Variants in FHAD1 observed in about 807,000 individuals in gnomAD.
The protein encoded by FHAD1 is forkhead-associated domain-containing protein 1.
A neutral mutation model predicts 191.3 loss-of-function variants in FHAD1; 146 were observed. The observed-to-expected ratio is 0.76, with a 90% CI of 0.67 to 0.88. The LOEUF (loss-of-function observed/expected upper bound fraction) is 0.88, where lower values mean the gene tolerates loss of function less well. Among genes scored for constraint, FHAD1 ranks in the 40% least tolerant of loss-of-function variants. The pLI is 0.00. For synonymous variants in FHAD1, 616 were observed against 672.3 expected (o/e 0.92, Z 1.29); for missense variants, 1,635 against 1,785.8 (o/e 0.92, Z 1.52).
At chr1:15,281,191 G>C (rs963957561) in intron 3 of FHAD1, among the ~76,000 whole-genome samples, 4 of 152,190 alleles carry the variant, frequency 2.6e-5, no homozygotes, top group African/African-American at 9.7e-5. Context: ...CTGCCCTGGG[G>C]CTCTTCTGTC....
chr1:15,356,536 T>C (rs991119773), intron 20 of FHAD1, among the ~76,000 whole-genome samples: 1 of 152,106 alleles, frequency 6.6e-6, no homozygotes, highest in Non-Finnish European at 1.5e-5. Context: ...GCCACATTCC[T>C]CTCGAGTCTC....
At chr1:15,265,205 C>T (rs1468464683) in intron 2 of FHAD1, among the ~76,000 whole-genome samples, 1 of 152,136 alleles carries the variant, frequency 6.6e-6, no homozygotes, top group African/African-American at 2.4e-5. Context: ...TCAGCTTCTC[C>T]ATCTGTAATA....
chr1:15,245,328 T>C (rs905401702), upstream of FHAD1, among the ~76,000 whole-genome samples: 2 of 152,226 alleles, frequency 1.3e-5, no homozygotes, highest in Admixed American at 6.5e-5. Context: ...CTTATTTTTA[T>C]TTGCTTTTGT....
intron 8 of FHAD1, chr1:15,315,047 G>A (rs1269219249): frequency 1.3e-5 from 2 of 151,998 alleles, no homozygotes; most frequent in African/African-American, 2.4e-5. Context: ...CTTGGAACAG[G>A]TCTGCCTTCT....
intron 1 of FHAD1, among the ~76,000 whole-genome samples, chr1:15,242,188 G>C (rs1036696657): frequency 7.0e-6 from 1 of 143,552 alleles, no homozygotes; most frequent in Admixed American, 7.3e-5. Context: ...AGCCGAGATC[G>C]CACCACTGCA....
At position 15,381,917 on chromosome 1, in the gene FHAD1, C is replaced by T. The variant is rs1701005959; in HGVS notation, c.4023-111C>T. Reference sequence around the variant, plus strand: ...TGCTCTCCTGCTTGTGATGACACTCCTGAGTGAGCCCCCACTGTGGATGTA... The same window carrying T: ...TGCTCTCCTGCTTGTGATGACACTCTTGAGTGAGCCCCCACTGTGGATGTA... On this transcript the variant is annotated intron_variant, in intron 30 of 33. Transcript: ENST00000688493. This position sits in a 1 kb window ranked among gnomAD's most constrained non-coding sequence, Gnocchi z 4.6. The T allele has an allele frequency of 1.7e-6, 2 of 1,209,490 alleles. No homozygotes were observed. The highest frequency in any genetic ancestry group is 1.5e-5 in the South Asian group (1 of 66,160). The allele number at this position is 1,209,490 out of a possible 1,614,324, so 74.9% of individuals were successfully genotyped here.
chr1:15,297,109 G>A lies in FHAD1; in HGVS notation c.678+316G>A, dbSNP rs185216094. Among the ~76,000 whole-genome samples, 120 of 152,302 alleles carry A rather than the reference G, an allele frequency of 7.9e-4. No individual in the cohort carries two copies. In the South Asian group the frequency reaches 9.1e-3, roughly 12 times the overall value. Reference sequence around the variant, plus strand: ...CAATGAGGAAACCGGAGCTCAGAGAGTTTAAGTAACTTGCCCAAGGTTGCA... The same window carrying A: ...CAATGAGGAAACCGGAGCTCAGAGAATTTAAGTAACTTGCCCAAGGTTGCA... On this transcript the variant is annotated intron_variant, in intron 5 of 33. Transcript: ENST00000688493.
chr1:15,262,002 CTG>C (rs1403056441), intron 2 of FHAD1, among the ~76,000 whole-genome samples: 5 of 152,124 alleles, frequency 3.3e-5, no homozygotes, highest in Admixed American at 2.6e-4. Flanking sequence ...TAGCAAGCCC[CTG>C]TGTTTTTAGC....
Position 15,369,486 on chromosome 1 carries a change from T to C in FHAD1, c.3431T>C (p.Phe1144Ser), listed in dbSNP as rs746860096. Residue 1144 changes from phenylalanine to serine, a missense_variant, in exon 26 of 34, where the codon TTC becomes TCC. Transcript: ENST00000688493. The stretch of plus-strand genomic sequence containing the variant: ...ATAGAACCCGTCCACACTGAGGCCT[T>C]CTCCAGCAGCCAAGAGGTGAGTGCC... ...VQIEPVHTEAFSSSQEQQSFS... is the reference protein window; with the variant it reads ...VQIEPVHTEASSSSQEQQSFS... 6.4e-7 allele frequency: 1 copy of C among 1,551,626 alleles called. No individual in the cohort carries two copies. Among genetic ancestry groups the C allele is most frequent in the South Asian group, 1.2e-5 (1 of 84,044 alleles).
intron 10 of FHAD1, among the ~76,000 whole-genome samples, chr1:15,323,675 A>T (rs1211882966): frequency 1.3e-5 from 2 of 152,164 alleles, no homozygotes; most frequent in African/African-American, 4.8e-5. Context: ...CAAAATGTTC[A>T]TGGTTCAGAC....
chr1:15,256,468 C>A (rs1648116012), intron 2 of FHAD1, among the ~76,000 whole-genome samples: 1 of 151,956 alleles, frequency 6.6e-6, no homozygotes, highest in African/African-American at 2.4e-5. Context: ...GCCTGGCCAT[C>A]ATGGTGAAAC....
chr1:15,362,735 C>T lies in FHAD1; in HGVS notation c.3047+9C>T, dbSNP rs887435449. 2.6e-6 allele frequency: 4 copies of T among 1,549,872 alleles called. No individual in the cohort carries two copies. Among genetic ancestry groups the T allele is most frequent in the Non-Finnish European group, 3.5e-6 (4 of 1,145,462 alleles). ...GCGTACGAACATCTGATGTGAGTACCCGTGGGTGTGTGAGCGCCAGGCATT... is the reference window on the plus strand; with the variant it reads ...GCGTACGAACATCTGATGTGAGTACTCGTGGGTGTGTGAGCGCCAGGCATT... On this transcript the variant is annotated intron_variant, in intron 23 of 33. Coordinates refer to ENST00000688493, the MANE Select transcript of FHAD1 (RefSeq NM_001391957.1).
At chr1:15,322,349 C>T (rs1030811021) in intron 10 of FHAD1, among the ~76,000 whole-genome samples, 5 of 152,244 alleles carry the variant, frequency 3.3e-5, no homozygotes, top group South Asian at 2.1e-4. Flanking sequence ...TTCATCCTCA[C>T]AACTCTGACC....
chr1:15,240,724 C>T (rs6673150), intron 1 of FHAD1, among the ~76,000 whole-genome samples: 128,280 of 151,022 alleles, frequency 0.85, 54,838 homozygotes, highest in East Asian at 0.95. Flanking sequence ...TTTGGGAGGC[C>T]GAGGAGGGTG....
intron 31 of FHAD1, among the ~76,000 whole-genome samples, chr1:15,387,304 C>T (rs1045597392): frequency 2.0e-5 from 3 of 152,112 alleles, no homozygotes; most frequent in Non-Finnish European, 4.4e-5. Context: ...CTCAGCACCA[C>T]TATGTGTTTT....
chr1:15,369,037 A>G (rs1697353730), intron 25 of FHAD1, among the ~76,000 whole-genome samples: 2 of 152,208 alleles, frequency 1.3e-5, no homozygotes, highest in African/African-American at 4.8e-5. Flanking sequence ...TGAGACAAGC[A>G]GAGTACCTAA....
Position 15,312,939 on chromosome 1 carries a change from G to C in FHAD1, c.1040-118G>C. 1 of 1,287,838 alleles carries C rather than the reference G, an allele frequency of 7.8e-7. No individual in the cohort carries two copies. Among genetic ancestry groups the C allele is most frequent in the Non-Finnish European group, 1.1e-6 (1 of 935,202 alleles). The allele number at this position is 1,287,838 out of a possible 1,614,324, so 79.8% of individuals were successfully genotyped here. ...GGTCTCAACCCCATTCAAGCTCCTG[G>C]GATCCTTGGAGACACCTCCCTTCTC... On this transcript the variant is annotated intron_variant, in intron 7 of 33. Coordinates refer to ENST00000688493, the MANE Select transcript of FHAD1 (RefSeq NM_001391957.1). The surrounding 1 kb of genome is among the most constrained non-coding windows in gnomAD (Gnocchi z 4.7).
intron 14 of FHAD1, chr1:15,334,733 C>A (rs1488908669): frequency 1.3e-5 from 2 of 152,232 alleles, no homozygotes; most frequent in Non-Finnish European, 2.9e-5. Context: ...ACATGGGTAG[C>A]CACCAGGCAG....
chr1:15,342,016 T>C (rs889373594), intron 16 of FHAD1, 128 bp downstream of exon 16: 1 of 720,918 alleles, frequency 1.4e-6, no homozygotes, highest in African/African-American at 1.8e-5. Flanking sequence ...GAAACTAAAT[T>C]AATTAAACAG....
Sources: gnomAD v4.1 joint callset for allele counts (sites outside exome capture counted in the v4.1 genomes callset) on GRCh38, gnomAD v4.1.1 for gene constraint, Gnocchi (gnomAD v3.1) non-coding constraint, MANE v1.5 for transcripts, NCBI Gene and HGNC (gene_info 2026-07-23, HGNC 2026-07-21) for gene names.